TNPO1: variants seen among roughly 807,000 people sequenced by gnomAD.
The protein encoded by TNPO1 is transportin 1.
In TNPO1, 8 loss-of-function variants were observed where a neutral mutation model predicts 119.5. The ratio of observed to expected loss-of-function variants is 0.07; its 90% CI spans 0.04 to 0.12. The LOEUF is 0.12. Ranked by LOEUF, TNPO1 falls within the 10% of genes least tolerant of loss-of-function variation. The probability of loss-of-function intolerance (pLI) is 1.00; values close to 1 mark genes in which losing one functional copy is unlikely to be tolerated. For synonymous variants in TNPO1, 362 were observed against 363.0 expected (o/e 1.00, Z 0.03); for missense variants, 576 against 1,089.8 (o/e 0.53, Z 6.64).
intron 9 of TNPO1, chr5:72,879,202 C>T: frequency 5.7e-6 from 1 of 174,580 alleles, no homozygotes. Context: ...TTTTAGAAGT[C>T]CTATTCCCAG....
rs1750510817 is a variant in TNPO1 at position 72,910,761 on chromosome 5, G to A, written c.*2088G>A. 6.6e-6 allele frequency: 1 copy of A among 152,054 alleles called. No homozygotes were observed. Among genetic ancestry groups the A allele is most frequent in the African/African-American group, 2.4e-5 (1 of 41,392 alleles). 9.4% of individuals were successfully genotyped at this position (152,054 alleles called of 1,614,324 possible). On this transcript the variant is annotated 3_prime_UTR_variant, in exon 25 of 25. Coordinates refer to ENST00000337273, the MANE Select transcript of TNPO1 (RefSeq NM_002270.4). Reference sequence around the variant, plus strand: ...ACTGTTTCAAAAATTTCAAATGCATGGTAGCATGTAGAAAGGTTTTTGTTA... The same window carrying A: ...ACTGTTTCAAAAATTTCAAATGCATAGTAGCATGTAGAAAGGTTTTTGTTA...
intron 5 of TNPO1, chr5:72,862,497 C>CTT (rs11391014): frequency 1.4e-3 from 201 of 146,354 alleles, no homozygotes; most frequent in Middle Eastern, 7.2e-3. Flanking sequence ...CTAATTTTTT[C>CTT]TTTTTTTTTT....
chr5:72,863,692 C>T (rs188706112), intron 5 of TNPO1, among the ~76,000 whole-genome samples: 4 of 145,360 alleles, frequency 2.8e-5, no homozygotes, highest in African/African-American at 1.0e-4. Flanking sequence ...ACCCAGGAGG[C>T]GAAGATTGCA....
chr5:72,869,516 C>T (rs767058988), intron 6 of TNPO1, among the ~76,000 whole-genome samples: 7 of 152,078 alleles, frequency 4.6e-5, no homozygotes, highest in Non-Finnish European at 8.8e-5. Flanking sequence ...CACTGCACTC[C>T]CTCCTGGGTG....
Position 72,872,663 on chromosome 5 carries a change from T to C in TNPO1, c.621T>C (p.Asn207=). The change falls in exon 7 of 25, where the codon AAT becomes AAC. Residue 207 remains asparagine (N), a synonymous_variant. Coordinates refer to ENST00000337273, the MANE Select transcript of TNPO1 (RefSeq NM_002270.4). Reference sequence around the variant, plus strand: ...GGTCTCACGCTGTTGCATGTGTCAATCAGTTTATCATCAGTAGGACTCAAG... The same window carrying C: ...GGTCTCACGCTGTTGCATGTGTCAACCAGTTTATCATCAGTAGGACTCAAG... The part of the protein sequence containing the change: ...KIRSHAVACV[N]QFIISRTQAL... 3.1e-6 allele frequency: 5 copies of C among 1,611,670 alleles called. No individual in the cohort carries two copies. Among genetic ancestry groups the C allele is most frequent in the Non-Finnish European group, 4.2e-6 (5 of 1,178,814 alleles).
intron 1 of TNPO1, among the ~76,000 whole-genome samples, chr5:72,846,796 G>A (rs1317239424): frequency 6.6e-6 from 1 of 152,120 alleles, no homozygotes; most frequent in Non-Finnish European, 1.5e-5. Flanking sequence ...CTTATCATTT[G>A]TACAATGTTG....
intron 20 of TNPO1, among the ~76,000 whole-genome samples, chr5:72,897,867 GTA>G (rs1452059620): frequency 6.6e-6 from 1 of 151,854 alleles, no homozygotes; most frequent in Non-Finnish European, 1.5e-5. Flanking sequence ...AATTCAATGA[GTA>G]TTCTACCAAA....
intron 4 of TNPO1, among the ~76,000 whole-genome samples, chr5:72,861,089 T>G (rs1746409072): frequency 6.6e-6 from 1 of 152,052 alleles, no homozygotes. Context: ...TTATGTATTT[T>G]TAGTAGAGAT....
At chr5:72,856,908 G>A (rs1365508552) in intron 4 of TNPO1, among the ~76,000 whole-genome samples, 1 of 152,162 alleles carries the variant, frequency 6.6e-6, no homozygotes, top group Non-Finnish European at 1.5e-5. Flanking sequence ...GCGTACTAAT[G>A]GGCAGCCTTT....
intron 2 of TNPO1, among the ~76,000 whole-genome samples, chr5:72,849,055 G>C (rs560111397): frequency 1.3e-5 from 2 of 152,306 alleles, no homozygotes; most frequent in Non-Finnish European, 2.9e-5. Context: ...CCCTAAAAAG[G>C]CTGGGGACCT....
chr5:72,816,673 T>C lies in TNPO1; in HGVS notation c.-65T>C. On this transcript the variant is annotated 5_prime_UTR_variant, in exon 1 of 25. Transcript: ENST00000337273. ...CCAGATTCTCTTTGTTCCGCAGCCA[T>C]TTCAGGCCCCGGACAGGAGGCAGTG... 6.7e-7 allele frequency: 1 copy of C among 1,503,382 alleles called. No individual in the cohort carries two copies. The allele number at this position is 1,503,382 out of a possible 1,614,324, so 93.1% of individuals were successfully genotyped here. A position where few individuals can be genotyped will look rare whatever the true frequency, so the allele number is the denominator to read the frequency against.
At chr5:72,893,078 G>C in intron 15 of TNPO1, 61 bp from the exon 16 acceptor site, 1 of 1,306,968 alleles carries the variant, frequency 7.7e-7, no homozygotes, top group Admixed American at 1.9e-5. Context: ...GCAGTTTCAA[G>C]CATTCATCAT....
At chr5:72,877,989 A>T (rs1747931148) in intron 9 of TNPO1, among the ~76,000 whole-genome samples, 1 of 152,176 alleles carries the variant, frequency 6.6e-6, no homozygotes, top group Non-Finnish European at 1.5e-5. Context: ...AGTGCTTAAA[A>T]TTTTAAATAT....
At chr5:72,883,387 G>A (rs1561342514) in intron 11 of TNPO1, among the ~76,000 whole-genome samples, 155 bp downstream of exon 11, 1 of 152,134 alleles carries the variant, frequency 6.6e-6, no homozygotes, top group Non-Finnish European at 1.5e-5. Context: ...ACAATCAGTT[G>A]TAGACTATGT....
At chr5:72,882,625 C>T in intron 10 of TNPO1, 98 bp downstream of exon 10, 1 of 762,638 alleles carries the variant, frequency 1.3e-6, no homozygotes. Context: ...GAATAGATCT[C>T]CTGTAAATAG....
chr5:72,853,438 TAAAA>T (rs890125306), intron 3 of TNPO1, among the ~76,000 whole-genome samples: 1 of 152,120 alleles, frequency 6.6e-6, no homozygotes, highest in Admixed American at 6.5e-5. Flanking sequence ...CAGAAGTACT[TAAAA>T]AAACACAAAC....
intron 1 of TNPO1, among the ~76,000 whole-genome samples, chr5:72,830,879 G>A (rs556394104): frequency 2.0e-5 from 3 of 152,184 alleles, no homozygotes; most frequent in South Asian, 4.1e-4. Flanking sequence ...TTTTGAAATA[G>A]TAATTAGACT....
At chr5:72,831,985 C>A (rs993990902) in intron 1 of TNPO1, among the ~76,000 whole-genome samples, 2 of 151,908 alleles carry the variant, frequency 1.3e-5, no homozygotes, top group African/African-American at 2.4e-5. Flanking sequence ...ATAGCCCCAT[C>A]AGTTGAAGGT....
chr5:72,822,419 G>A (rs1580356477), intron 1 of TNPO1, among the ~76,000 whole-genome samples: 2 of 151,858 alleles, frequency 1.3e-5, no homozygotes, highest in South Asian at 2.1e-4. Context: ...TATCGGTACG[G>A]CTATTTTAAA....
Sources: allele counts gnomAD v4.1 joint callset (sites outside exome capture counted in the v4.1 genomes callset), GRCh38; gene constraint gnomAD v4.1.1; transcripts MANE v1.5; gene names NCBI Gene and HGNC (gene_info 2026-07-23, HGNC 2026-07-21).